The following OR51B5 variants were observed in gnomAD, a reference collection of about 807,000 sequenced individuals.
OR51B5 encodes the protein olfactory receptor 51B5.
For synonymous variants in OR51B5, 186 were observed against 144.8 expected (o/e 1.28, Z -2.04); for missense variants, 456 against 374.6 (o/e 1.22, Z -1.79).
chr11:5,430,925 CTG>C (rs748207896), intron 1 of OR51B5: 2 of 456,904 alleles, frequency 4.4e-6, no homozygotes, highest in Non-Finnish European at 8.8e-6. Context: ...ATGCCCATCA[CTG>C]TATAAAGAAT....
Position 5,373,593 on chromosome 11 carries a change from T to G in OR51B5, n.85-26683A>C, listed in dbSNP as rs530047756. Among the ~76,000 whole-genome samples the G allele has an allele frequency of 5.2e-3, 785 of 152,160 alleles. 4 individuals carry two copies. The highest frequency in any genetic ancestry group is 0.018 in the African/African-American group (751 of 41,502). ...TTCCTGGTCAAGGAAAGGGGTGACA[T>G]ACGGCACCTGGAAAATTGGGCCACT... On this transcript the variant is annotated intron_variant and non_coding_transcript_variant, in intron 1 of 4. Transcript: ENST00000415970.
chr11:5,451,839 C>T (rs1284313434), intron 1 of OR51B5, among the ~76,000 whole-genome samples: 1 of 152,156 alleles, frequency 6.6e-6, no homozygotes, highest in Non-Finnish European at 1.5e-5. Flanking sequence ...GACCTATTAG[C>T]TTGAAATGTC....
intron 1 of OR51B5, among the ~76,000 whole-genome samples, chr11:5,478,208 A>C (rs956149907): frequency 3.9e-4 from 60 of 152,144 alleles, no homozygotes; most frequent in East Asian, 7.7e-4. Context: ...TGACCCCTGA[A>C]CCCCGAGCAG....
At chr11:5,431,793 C>A (rs184012159) in intron 1 of OR51B5, among the ~76,000 whole-genome samples, 1 of 152,216 alleles carries the variant, frequency 6.6e-6, no homozygotes. Context: ...TTCTCTCCTC[C>A]TGTTCTCCTG....
chr11:5,402,027 C>T (rs12791966), intron 1 of OR51B5, among the ~76,000 whole-genome samples: 113,668 of 150,358 alleles, frequency 0.76, 44,585 homozygotes, highest in Non-Finnish European at 0.87. Context: ...TTTTCTCTTC[C>T]TTTTTCTTTT....
chr11:5,449,990 T>A (rs751852208), intron 1 of OR51B5, among the ~76,000 whole-genome samples: 1 of 152,152 alleles, frequency 6.6e-6, no homozygotes, highest in Non-Finnish European at 1.5e-5. Flanking sequence ...TCTGCCCCCA[T>A]AACAGCACCA....
intron 1 of OR51B5, among the ~76,000 whole-genome samples, chr11:5,402,283 G>A (rs1347727262): frequency 6.6e-6 from 1 of 152,084 alleles, no homozygotes; most frequent in East Asian, 1.9e-4. Context: ...CCAAAGTGCT[G>A]GAATTACAGG....
chr11:5,417,077 G>C (rs879817299), intron 1 of OR51B5, among the ~76,000 whole-genome samples: 84 of 151,534 alleles, frequency 5.5e-4, no homozygotes, highest in Non-Finnish European at 8.1e-4. Flanking sequence ...TACCAAAACA[G>C]AGATATAGAT....
intron 1 of OR51B5, among the ~76,000 whole-genome samples, chr11:5,395,358 T>G (rs947823233): frequency 6.6e-6 from 1 of 152,130 alleles, no homozygotes; most frequent in African/African-American, 2.4e-5. Context: ...CTGAAGGTCC[T>G]TTGTTTTGTG....
intron 1 of OR51B5, among the ~76,000 whole-genome samples, chr11:5,354,038 C>A (rs183460235): frequency 6.6e-6 from 1 of 152,122 alleles, no homozygotes; most frequent in South Asian, 2.1e-4. Flanking sequence ...TAACATAGTT[C>A]TTATTCCCTA....
chr11:5,341,539 C>T (rs994635006), downstream of OR51B5, among the ~76,000 whole-genome samples: 1 of 152,114 alleles, frequency 6.6e-6, no homozygotes, highest in African/African-American at 2.4e-5. Context: ...CATAACCTCC[C>T]TCTTTTTAGG....
intron 1 of OR51B5, among the ~76,000 whole-genome samples, chr11:5,503,998 A>T (rs1441524254): frequency 6.6e-6 from 1 of 152,126 alleles, no homozygotes; most frequent in Non-Finnish European, 1.5e-5. Context: ...TAAACTAGGG[A>T]TACTACTAAT....
In OR51B5 at chr11:5,358,200, A is replaced by G. The variant is rs186497111; in HGVS notation, n.85-11290T>C. Among the ~76,000 whole-genome samples the G allele has an allele frequency of 3.9e-3, 594 of 152,320 alleles. 2 individuals carry two copies. The highest frequency in any genetic ancestry group is 0.01 in the Middle Eastern group (3 of 294). The stretch of plus-strand genomic sequence containing the variant: ...AACCCTTCAAAAAATCAATGAATCC[A>G]GAAGCTGGTTTTTCAAAAAGATCAA... On this transcript the variant is annotated intron_variant and non_coding_transcript_variant, in intron 1 of 4. Transcript: ENST00000415970.
chr11:5,389,351 A>C (rs1849752243), intron 1 of OR51B5: 1 of 1,567,110 alleles, frequency 6.4e-7, no homozygotes, highest in South Asian at 1.2e-5. Context: ...GAAGCTGAAG[A>C]ATTAATAACC....
At chr11:5,370,671 C>T (rs1849433694) in intron 1 of OR51B5, among the ~76,000 whole-genome samples, 1 of 152,222 alleles carries the variant, frequency 6.6e-6, no homozygotes, top group Middle Eastern at 3.4e-3. Context: ...TTAGCAACTA[C>T]TGGGTACAAA....
chr11:5,386,607 G>A (rs1158713573), intron 1 of OR51B5, among the ~76,000 whole-genome samples: 1 of 151,908 alleles, frequency 6.6e-6, no homozygotes, highest in African/African-American at 2.4e-5. Context: ...ACAGTGCAGT[G>A]ATTCATAGAG....
At chr11:5,421,971 A>T in intron 1 of OR51B5, 1 of 493,866 alleles carries the variant, frequency 2.0e-6, no homozygotes, top group Admixed American at 3.8e-5. Flanking sequence ...GAATTAATAT[A>T]TATTCCGTCA....
upstream of OR51B5, among the ~76,000 whole-genome samples, chr11:5,344,070 G>T (rs1465881837): frequency 1.3e-5 from 2 of 152,220 alleles, no homozygotes; most frequent in East Asian, 3.8e-4. Context: ...TACCACTGTA[G>T]CTAAGGAGCA....
intron 1 of OR51B5, among the ~76,000 whole-genome samples, chr11:5,354,335 G>A (rs1361595407): frequency 6.6e-6 from 1 of 152,178 alleles, no homozygotes; most frequent in African/African-American, 2.4e-5. Context: ...TGCCATAGCA[G>A]GCTAGTATAA....
Sources: allele counts gnomAD v4.1 joint callset (sites outside exome capture counted in the v4.1 genomes callset), GRCh38; gene constraint gnomAD v4.1.1; transcripts MANE v1.5; gene names NCBI Gene and HGNC (gene_info 2026-07-23, HGNC 2026-07-21).